Variants in TTC28 observed in about 807,000 individuals in gnomAD.
TTC28 encodes tetratricopeptide repeat protein 28.
A neutral mutation model predicts 198.0 loss-of-function variants in TTC28; 61 were observed. The observed-to-expected ratio is 0.31, with a 90% CI of 0.25 to 0.38. The LOEUF (loss-of-function observed/expected upper bound fraction) is 0.38, where lower values mean the gene tolerates loss of function less well. Ranked by LOEUF, TTC28 falls within the 10% of genes least tolerant of loss-of-function variation. TTC28 has a pLI of 1.00. For missense variants in TTC28, 2,678 were observed against 3,164.0 expected (o/e 0.85, Z 3.69); for synonymous variants, 1,171 against 1,297.8 (o/e 0.90, Z 2.10).
At chr22:28,201,751 C>CAAAA (rs34790960) in intron 5 of TTC28, among the ~76,000 whole-genome samples, 2 of 81,000 alleles carry the variant, frequency 2.5e-5, no homozygotes, top group Admixed American at 1.4e-4. Context: ...TTACAGAAAG[C>CAAAA]AAAAAAAAAA....
chr22:28,482,745 G>T (rs1336092647), intron 2 of TTC28, among the ~76,000 whole-genome samples: 2 of 151,886 alleles, frequency 1.3e-5, no homozygotes, highest in African/African-American at 4.8e-5. Context: ...CTCTCCCTTT[G>T]TTCCTGGAAA....
intron 1 of TTC28, among the ~76,000 whole-genome samples, chr22:28,638,697 T>C (rs1468707972): frequency 6.6e-6 from 1 of 152,236 alleles, no homozygotes; most frequent in Middle Eastern, 3.2e-3. Flanking sequence ...TTTTTTTAAA[T>C]GTCTGACCTC....
At chr22:28,359,099 C>T (rs928142493) in intron 2 of TTC28, among the ~76,000 whole-genome samples, 5 of 152,018 alleles carry the variant, frequency 3.3e-5, no homozygotes, top group Non-Finnish European at 1.5e-5. Flanking sequence ...CATTCCACTG[C>T]GCTATAAGGG....
chr22:28,571,735 G>A (rs1319887261), intron 2 of TTC28, among the ~76,000 whole-genome samples: 4 of 152,014 alleles, frequency 2.6e-5, no homozygotes, highest in African/African-American at 9.7e-5. Context: ...AATCACCTGA[G>A]GTCAGGAGTT....
At chr22:28,611,320 G>A (rs2050814266) in intron 2 of TTC28, among the ~76,000 whole-genome samples, 1 of 152,056 alleles carries the variant, frequency 6.6e-6, no homozygotes, top group Non-Finnish European at 1.5e-5. Flanking sequence ...AGAGAGAAAG[G>A]TCAGGTTACC....
At chr22:28,387,594 G>A (rs1475469734) in intron 2 of TTC28, among the ~76,000 whole-genome samples, 1 of 152,218 alleles carries the variant, frequency 6.6e-6, no homozygotes, top group Non-Finnish European at 1.5e-5. Context: ...CTGATGGCCA[G>A]TGATGGTGAG....
chr22:28,001,675 T>TGTGGGGCGCC (rs1937700317), intron 14 of TTC28, 122 bp from the exon 15 acceptor site: 2 of 1,203,126 alleles, frequency 1.7e-6, no homozygotes, highest in Admixed American at 2.5e-5. Flanking sequence ...CCTGTGGGGG[T>TGTGGGGCGCC]GTGGGGCGCC....
chr22:28,550,369 C>T (rs1338736959), intron 2 of TTC28, among the ~76,000 whole-genome samples: 1 of 152,130 alleles, frequency 6.6e-6, no homozygotes, highest in Non-Finnish European at 1.5e-5. Flanking sequence ...TATCCTCATT[C>T]AAGCTACATC....
intron 1 of TTC28, among the ~76,000 whole-genome samples, chr22:28,637,248 G>A (rs2051290037): frequency 6.6e-6 from 1 of 152,092 alleles, no homozygotes; most frequent in South Asian, 2.1e-4. Flanking sequence ...CCGACCCCAG[G>A]TGATCCGCCT....
At chr22:28,551,361 C>T (rs2049668120) in intron 2 of TTC28, among the ~76,000 whole-genome samples, 1 of 152,100 alleles carries the variant, frequency 6.6e-6, no homozygotes, top group Non-Finnish European at 1.5e-5. Flanking sequence ...AAGAGGGAAT[C>T]CTTCCTAAAT....
At chr22:28,455,741 CT>C (rs1299607855) in intron 2 of TTC28, among the ~76,000 whole-genome samples, 1 of 151,716 alleles carries the variant, frequency 6.6e-6, no homozygotes, top group Non-Finnish European at 1.5e-5. Flanking sequence ...TTAGCATTTC[CT>C]TGAAATGTTC....
intron 2 of TTC28, among the ~76,000 whole-genome samples, chr22:28,628,313 C>T (rs778785275): frequency 1.7e-4 from 26 of 152,156 alleles, no homozygotes; most frequent in Non-Finnish European, 3.2e-4. Context: ...ATCTCAAATA[C>T]TTCAATCACA....
chr22:28,403,614 G>C (rs2046952995), intron 2 of TTC28, among the ~76,000 whole-genome samples: 1 of 152,136 alleles, frequency 6.6e-6, no homozygotes, highest in African/African-American at 2.4e-5. Context: ...AGTGCTTCAG[G>C]AGAAACATTA....
intron 17 of TTC28, 116 bp downstream of exon 17, chr22:27,996,019 C>G: frequency 7.0e-7 from 1 of 1,423,032 alleles, no homozygotes. Context: ...TGGACACGGC[C>G]CCAATCACGG....
At chr22:28,603,737 A>C (rs543291302) in intron 2 of TTC28, among the ~76,000 whole-genome samples, 16 of 152,142 alleles carry the variant, frequency 1.1e-4, no homozygotes, top group African/African-American at 3.9e-4. Context: ...AACAATCCTT[A>C]TAACAGTCCT....
intron 12 of TTC28, among the ~76,000 whole-genome samples, chr22:28,057,279 A>C (rs1287155611): frequency 6.6e-6 from 1 of 152,176 alleles, no homozygotes. Context: ...GTAACTCTAC[A>C]TCCTCACTAA....
chr22:28,603,367 TTTTC>T (rs1038833956), intron 2 of TTC28, among the ~76,000 whole-genome samples: 6 of 150,896 alleles, frequency 4.0e-5, no homozygotes, highest in Non-Finnish European at 5.9e-5. Context: ...TACAGGTCAA[TTTTC>T]TTTCTTTTTT....
In TTC28 at chr22:28,108,089, C is replaced by T; in HGVS notation, c.1756G>A (p.Glu586Lys). ...GCCTCGCTCTGGATGTCTCGTAGCT[C>T]CCGGGCGATGTTCAAGTGGTTCTGA... ...HYQNHLNIAR[E>K]LRDIQSEARA... The change falls in exon 7 of 23, where the codon GAG (glutamate) becomes AAG (lysine). Residue 586 changes from glutamate (E) to lysine (K), a missense_variant. Around this residue, in one of 8 missense-constraint regions of TTC28, gnomAD observed 775 missense variants for 845.9 expected, o/e 0.92. Coordinates refer to ENST00000397906, the MANE Select transcript of TTC28 (RefSeq NM_001145418.2). 6.4e-7 allele frequency: 1 copy of T among 1,551,650 alleles called. No homozygotes were observed. Among genetic ancestry groups the T allele is most frequent in the Non-Finnish European group, 8.7e-7 (1 of 1,146,994 alleles).
chr22:28,036,017 T>TA (rs1939328058), intron 12 of TTC28, among the ~76,000 whole-genome samples: 1 of 152,136 alleles, frequency 6.6e-6, no homozygotes, highest in Non-Finnish European at 1.5e-5. Flanking sequence ...CAAAGAGACT[T>TA]AGACTCCCAC....
Sources: allele counts gnomAD v4.1 joint callset (sites outside exome capture counted in the v4.1 genomes callset), GRCh38; gene constraint gnomAD v4.1.1; regional missense constraint gnomAD v4.1.1; transcripts MANE v1.5; gene names NCBI Gene and HGNC (gene_info 2026-07-23, HGNC 2026-07-21).